The following TMEM132C variants were observed in gnomAD, a reference collection of about 807,000 sequenced individuals.
The protein encoded by TMEM132C is protein phosphatase 1, regulatory subunit 152.
Under a neutral mutation model 61.4 loss-of-function variants are expected in TMEM132C, and 29 were observed. That is an observed-to-expected ratio of 0.47 (90% CI 0.35 to 0.64). The LOEUF is 0.64. TMEM132C is among the 30% of genes least tolerant of loss of function. TMEM132C has a pLI of 0.00. For synonymous variants in TMEM132C, 656 were observed against 633.1 expected (o/e 1.04, Z -0.54); for missense variants, 1,408 against 1,476.9 (o/e 0.95, Z 0.76).
At position 128,447,759 on chromosome 12, in the gene TMEM132C, G is replaced by A. The variant is rs1174478289; in HGVS notation, c.974+32139G>A. 9.6e-5 allele frequency among the ~76,000 whole-genome samples: 7 copies of A among 73,244 alleles called. 1 individual carries two copies. The highest frequency in any genetic ancestry group is 2.4e-4 in the African/African-American group (3 of 12,252). The allele number at this position is 73,244 out of a possible 152,430, so 48.1% of individuals were successfully genotyped here. On this transcript the variant is annotated intron_variant, in intron 2 of 8. Coordinates refer to ENST00000435159, the MANE Select transcript of TMEM132C (RefSeq NM_001136103.3). ...TTTTGAGACGGAGTCTCGCTCTGTCGCCCAGGCCGGACTGCGGACTGCAGT... is the reference window on the plus strand; with the variant it reads ...TTTTGAGACGGAGTCTCGCTCTGTCACCCAGGCCGGACTGCGGACTGCAGT...
rs1326766279 is a variant in TMEM132C at position 128,705,346 on chromosome 12, G to C, written c.2378G>C (p.Gly793Ala). The C allele has an allele frequency of 6.4e-7, 1 of 1,551,280 alleles. No individual in the cohort carries two copies. Among genetic ancestry groups the C allele is most frequent in the Admixed American group, 2.0e-5 (1 of 50,990 alleles). Reference protein sequence around the residue: ...KRKSILAVGVGNVRVKFGQND... With the variant: ...KRKSILAVGVANVRVKFGQND... ...AAGAGCATCCTGGCTGTGGGCGTCG[G>C]CAACGTCAGGGTCAAGTTCGGACAG... The change falls in exon 9 of 9, where the codon GGC (glycine) becomes GCC (alanine). Residue 793 changes from glycine (G) to alanine (A), a missense_variant. Coordinates refer to ENST00000435159, the MANE Select transcript of TMEM132C (RefSeq NM_001136103.3).
chr12:128,506,828 C>G (rs1217732169), intron 2 of TMEM132C, among the ~76,000 whole-genome samples: 2 of 152,182 alleles, frequency 1.3e-5, no homozygotes, highest in Admixed American at 1.3e-4. Flanking sequence ...CCAGAATGGG[C>G]TGATGCCCTT....
intron 5 of TMEM132C, among the ~76,000 whole-genome samples, chr12:128,670,185 C>G (rs906415340): frequency 6.6e-6 from 1 of 152,118 alleles, no homozygotes; most frequent in African/African-American, 2.4e-5. Flanking sequence ...TGGTGCACAC[C>G]TGTAATCCCA....
At position 128,669,679 on chromosome 12, in the gene TMEM132C, A is replaced by G. The variant is rs535788626; in HGVS notation, c.1449+119A>G. On this transcript the variant is annotated intron_variant, in intron 5 of 8. Transcript: ENST00000435159. Reference sequence around the variant, plus strand: ...TCAACTATACAGAGGCTTATGTGCAACACACTTCCAGCTGATCCACTCAAC... The same window carrying G: ...TCAACTATACAGAGGCTTATGTGCAGCACACTTCCAGCTGATCCACTCAAC... 9 of 1,243,862 alleles carry G rather than the reference A, an allele frequency of 7.2e-6. No homozygotes were observed. In the South Asian group the frequency reaches 1.6e-4, roughly 22 times the overall value. The allele number at this position is 1,243,862 out of a possible 1,614,324, so 77.1% of individuals were successfully genotyped here.
chr12:128,696,652 A>G (rs1409823443), intron 7 of TMEM132C, among the ~76,000 whole-genome samples: 3 of 152,186 alleles, frequency 2.0e-5, no homozygotes, highest in African/African-American at 4.8e-5. Flanking sequence ...CAATCCCTCA[A>G]GTCCCACCCT....
intron 4 of TMEM132C, among the ~76,000 whole-genome samples, chr12:128,619,205 G>C (rs1593122603): frequency 6.6e-6 from 1 of 152,166 alleles, no homozygotes; most frequent in East Asian, 1.9e-4. Flanking sequence ...CCAATTTGTT[G>C]ATCGTTTTAA....
At chr12:128,333,136 GTA>G (rs1185570864) in intron 1 of TMEM132C, among the ~76,000 whole-genome samples, 3 of 151,922 alleles carry the variant, frequency 2.0e-5, no homozygotes, top group Non-Finnish European at 2.9e-5. Flanking sequence ...GTTTTTATGT[GTA>G]TGTGTGTGCA....
chr12:128,622,621 C>T (rs963950412), intron 4 of TMEM132C, among the ~76,000 whole-genome samples: 3 of 151,588 alleles, frequency 2.0e-5, no homozygotes, highest in South Asian at 2.1e-4. Context: ...GAGATGCTAT[C>T]GGATCTGCAC....
At chr12:128,380,203 T>C (rs1874356953) in intron 1 of TMEM132C, among the ~76,000 whole-genome samples, 1 of 152,286 alleles carries the variant, frequency 6.6e-6, no homozygotes, top group African/African-American at 2.4e-5. Context: ...TTGTCTATTC[T>C]GTCTATTGTT....
At chr12:128,532,496 G>A (rs12582440) in intron 2 of TMEM132C, among the ~76,000 whole-genome samples, 4,159 of 151,640 alleles carry the variant, frequency 0.027, 245 homozygotes, top group East Asian at 0.26. Flanking sequence ...AAAATTAGCC[G>A]GGCGTGGTGG....
chr12:128,591,686 G>A (rs1009715897), intron 3 of TMEM132C, among the ~76,000 whole-genome samples: 5 of 152,064 alleles, frequency 3.3e-5, no homozygotes, highest in African/African-American at 1.2e-4. Flanking sequence ...CAAAGTGGCT[G>A]CACCATTTTA....
At chr12:128,435,828 C>T (rs145123354) in intron 2 of TMEM132C, among the ~76,000 whole-genome samples, 1,936 of 152,220 alleles carry the variant, frequency 0.013, 16 homozygotes, top group Non-Finnish European at 0.019. Flanking sequence ...AAAAAAGAGC[C>T]CACATTGCGA....
chr12:128,365,535 T>G (rs1428314522), intron 1 of TMEM132C, among the ~76,000 whole-genome samples: 1 of 152,186 alleles, frequency 6.6e-6, no homozygotes, highest in Non-Finnish European at 1.5e-5. Context: ...CCCCTACTTC[T>G]TTCCCGACCA....
In TMEM132C at chr12:128,673,158, G is replaced by A. The variant is rs78618350; in HGVS notation, c.1449+3598G>A. ...TCCCACCCTGAATTCATATGTGGAA[G>A]CCCTTAACACCCAATGCAATGGTAT... On this transcript the variant is annotated intron_variant, in intron 5 of 8. Coordinates refer to ENST00000435159, the MANE Select transcript of TMEM132C (RefSeq NM_001136103.3). Among the ~76,000 whole-genome samples, 1,499 of 152,308 alleles carry A rather than the reference G, an allele frequency of 9.8e-3. 78 individuals carry two copies. Among genetic ancestry groups the A allele is most frequent in the Admixed American group, 0.079 (1,211 of 15,294 alleles).
intron 1 of TMEM132C, among the ~76,000 whole-genome samples, chr12:128,316,661 G>A (rs1182024073): frequency 2.6e-5 from 4 of 152,184 alleles, no homozygotes; most frequent in Admixed American, 2.6e-4. Context: ...GTGTCAAGGG[G>A]TGGGGAGGAA....
chr12:128,403,073 C>T (rs182137909), intron 1 of TMEM132C, among the ~76,000 whole-genome samples: 147 of 152,252 alleles, frequency 9.7e-4, no homozygotes, highest in African/African-American at 3.3e-3. Context: ...GTAATTTCAG[C>T]AAAGGATATT....
intron 2 of TMEM132C, among the ~76,000 whole-genome samples, chr12:128,440,935 G>A (rs1869762028): frequency 6.6e-6 from 1 of 151,914 alleles, no homozygotes; most frequent in Admixed American, 6.6e-5. Flanking sequence ...CAGCTACTTG[G>A]GAGGCTGAGG....
intron 1 of TMEM132C, among the ~76,000 whole-genome samples, chr12:128,285,389 A>C: frequency 6.6e-6 from 1 of 152,324 alleles, no homozygotes; most frequent in Non-Finnish European, 1.5e-5. Context: ...ATGAAAACAA[A>C]AAAAAAGACA....
rs576948771 is a variant in TMEM132C at position 128,679,163 on chromosome 12, G to T, written c.1449+9603G>T. Among the ~76,000 whole-genome samples, 67 of 152,328 alleles carry T rather than the reference G, an allele frequency of 4.4e-4. 1 individual carries two copies. The South Asian group carries it at 0.013, about 29-fold the overall frequency. On this transcript the variant is annotated intron_variant, in intron 5 of 8. Coordinates refer to ENST00000435159, the MANE Select transcript of TMEM132C (RefSeq NM_001136103.3). ...TTGTCAGGTAGCACTGGTAATGGGG[G>T]TCATGGCAGCTGCAATATTCACTAA...
Sources: allele counts gnomAD v4.1 joint callset (sites outside exome capture counted in the v4.1 genomes callset), GRCh38; gene constraint gnomAD v4.1.1; transcripts MANE v1.5; gene names NCBI Gene and HGNC (gene_info 2026-07-23, HGNC 2026-07-21).